The following USP9X variants were observed in gnomAD, a reference collection of about 807,000 sequenced individuals.
The protein encoded by USP9X is ubiquitin specific peptidase 9 X-linked, also known as ubiquitin carboxyl-terminal hydrolase 9X.
A neutral mutation model predicts 190.3 loss-of-function variants in USP9X; 7 were observed. The observed-to-expected ratio is 0.04, with a 90% CI of 0.02 to 0.07. The LOEUF (loss-of-function observed/expected upper bound fraction) is 0.07. Ranked by LOEUF, USP9X falls within the 10% of genes least tolerant of loss-of-function variation. The pLI is 1.00. For synonymous variants in USP9X, 645 were observed against 659.5 expected (o/e 0.98, Z 0.34); for missense variants, 1,010 against 1,916.9 (o/e 0.53, Z 8.83).
Position 41,214,655 on chromosome X carries a change from A to G in USP9X, c.5277A>G (p.Lys1759=). Residue 1759 remains lysine (K), a synonymous_variant, in exon 34 of 45, where the codon AAA becomes AAG. Transcript: ENST00000378308. The part of the protein sequence containing the change: ...NLLDSLEQYV[K]GDLLEGANAY... ...TTGATTCTTTGGAACAGTATGTCAA[A>G]GGAGATTTACTAGAAGGTGCAAATG... 8.3e-7 allele frequency: 1 copy of G among 1,202,400 alleles called. No individual in the cohort carries two copies. The highest frequency in any genetic ancestry group is 1.1e-6 in the Non-Finnish European group (1 of 892,194).
intron 39 of USP9X, 127 bp from the exon 40 acceptor site, chrX:41,224,615 G>A (rs781663908): frequency 5.4e-5 from 31 of 572,786 alleles, no homozygotes; most frequent in Non-Finnish European, 7.4e-5. Flanking sequence ...CAGCCTGGGC[G>A]ACAGAGCGAG....
chrX:41,157,392 C>T (rs760300179), intron 14 of USP9X, among the ~76,000 whole-genome samples: 10 of 110,874 alleles, frequency 9.0e-5, no homozygotes, highest in Non-Finnish European at 1.7e-4. Context: ...TAAAAATCTA[C>T]TAGTCAAGGA....
chrX:41,178,164 G>T (rs1443236017), intron 21 of USP9X, among the ~76,000 whole-genome samples: 6 of 87,139 alleles, frequency 6.9e-5, no homozygotes, highest in African/African-American at 8.9e-5. Context: ...GCAGTGGCGT[G>T]ATTTCGGCTC....
chrX:41,223,149 C>A, intron 38 of USP9X, 68 bp from the exon 39 acceptor site: 1 of 1,029,988 alleles, frequency 9.7e-7, no homozygotes, highest in East Asian at 3.1e-5. Context: ...GAAGCCCTTG[C>A]CATCTTAATT....
At chrX:41,197,286 C>G (rs772854708) in intron 28 of USP9X, 78 bp from the exon 29 acceptor site, 1 of 728,808 alleles carries the variant, frequency 1.4e-6, no homozygotes, top group African/African-American at 2.2e-5. Context: ...TCTGGCTCCT[C>G]TCTCCCTCTT....
At chrX:41,207,417 GGGTTAT>G (rs765144994) in intron 32 of USP9X, among the ~76,000 whole-genome samples, 1 of 111,151 alleles carries the variant, frequency 9.0e-6, no homozygotes, top group Non-Finnish European at 1.9e-5. Context: ...TATTTCTTCA[GGGTTAT>G]AAAATAACAA....
rs1208745994 is a variant in USP9X, at chrX:41,234,201, G to A, written c.*1677G>A. 1 of 111,369 alleles carries A rather than the reference G, an allele frequency of 9.0e-6. No individual in the cohort carries two copies. The highest frequency in any genetic ancestry group is 3.3e-5 in the African/African-American group (1 of 30,594). The allele number at this position is 111,369 out of a possible 1,213,427, so 9.2% of individuals were successfully genotyped here. The stretch of plus-strand genomic sequence containing the variant: ...TCTACTGAAGATTTTGAGAAATCAG[G>A]ATGTTGACACTGTAAAAGTTTCCTA... On this transcript the variant is annotated 3_prime_UTR_variant, in exon 45 of 45. Coordinates refer to ENST00000378308, the MANE Select transcript of USP9X (RefSeq NM_001039591.3).
At position 41,141,170 on chromosome X, in the gene USP9X, A is replaced by G; in HGVS notation, c.975A>G (p.Glu325=). ...TAGCTTCAAGGGTTCCAGGACAAGA[A>G]GAAACTGTTAAAAACTTAGAAATAT... ...KNLASRVPGQ[E]ETVKNLEIFR... is the part of the protein sequence containing the mutation. Residue 325 remains glutamate, a synonymous_variant, in exon 8 of 45, where the codon GAA becomes GAG. Transcript: ENST00000378308. The G allele has an allele frequency of 8.4e-7, 1 of 1,196,886 alleles. No individual in the cohort carries two copies. The highest frequency in any genetic ancestry group is 1.1e-6 in the Non-Finnish European group (1 of 888,543).
At chrX:41,222,632 T>A (rs1296816539) in intron 38 of USP9X, among the ~76,000 whole-genome samples, 2 of 111,406 alleles carry the variant, frequency 1.8e-5, no homozygotes, top group Non-Finnish European at 3.8e-5. Flanking sequence ...GTAGAAAGTG[T>A]TCGTCTTCTG....
chrX:41,197,331 T>TGCCC, intron 28 of USP9X, 33 bp from the exon 29 acceptor site: 7 of 486,755 alleles, frequency 1.4e-5, no homozygotes, highest in Non-Finnish European at 2.1e-5. Context: ...TTTGATTTCT[T>TGCCC]CCCCCCCCCA....
chrX:41,155,243 A>G (rs2062566541), intron 14 of USP9X, among the ~76,000 whole-genome samples: 1 of 111,879 alleles, frequency 8.9e-6, no homozygotes, highest in Admixed American at 9.5e-5. Context: ...TTTACCTCCT[A>G]TAAACATTAT....
intron 1 of USP9X, among the ~76,000 whole-genome samples, chrX:41,092,905 C>T (rs180702141): frequency 3.6e-5 from 4 of 110,519 alleles, no homozygotes; most frequent in Non-Finnish European, 7.6e-5. Flanking sequence ...GGAGGGGTCT[C>T]GCTGTCACTC....
chrX:41,187,248 T>C (rs901264024), intron 24 of USP9X, among the ~76,000 whole-genome samples: 2 of 112,635 alleles, frequency 1.8e-5, no homozygotes, highest in African/African-American at 6.5e-5. Flanking sequence ...TAACTACTGC[T>C]CTTTTTGTCC....
intron 4 of USP9X, among the ~76,000 whole-genome samples, chrX:41,132,052 A>G (rs2062323383): frequency 1.8e-5 from 2 of 111,292 alleles, no homozygotes; most frequent in Admixed American, 9.6e-5. Flanking sequence ...TACTCAGTAA[A>G]ATTTTACCTA....
chrX:41,126,297 G>A (rs2062250801), intron 2 of USP9X, among the ~76,000 whole-genome samples: 1 of 111,901 alleles, frequency 8.9e-6, no homozygotes, highest in Non-Finnish European at 1.9e-5. Context: ...CTTGGACAGA[G>A]TTAAGACCTT....
chrX:41,132,610 TTTTC>T (rs1258343532), intron 4 of USP9X, among the ~76,000 whole-genome samples: 13 of 110,914 alleles, frequency 1.2e-4, no homozygotes, highest in East Asian at 8.4e-4. Context: ...AGCTAATCTT[TTTTC>T]TTTCTTTCTT....
At chrX:41,227,712 T>G (rs1318393038) in intron 41 of USP9X, among the ~76,000 whole-genome samples, 2 of 111,014 alleles carry the variant, frequency 1.8e-5, no homozygotes, top group African/African-American at 6.6e-5. Context: ...AGAACTTTTT[T>G]TTTTTTGAGA....
At chrX:41,126,552 A>C (rs758509025) in intron 2 of USP9X, among the ~76,000 whole-genome samples, 9 of 111,775 alleles carry the variant, frequency 8.1e-5, no homozygotes, top group Non-Finnish European at 1.5e-4. Flanking sequence ...CTCTTATTTT[A>C]AGGTGTACTT....
Position 41,144,544 on chromosome X carries a change from T to C in USP9X, c.1337T>C (p.Val446Ala). The C allele has an allele frequency of 8.3e-7, 1 of 1,210,619 alleles. No individual in the cohort carries two copies. The highest frequency in any genetic ancestry group is 1.1e-6 in the Non-Finnish European group (1 of 894,735). ...AAQAGKHEAI[V>A]KNVHDLLAKL... ...TAGGCAGGGAAACATGAAGCCATTG[T>C]GAAGAATGTACATGATCTCCTGGCA... is the stretch of plus-strand genomic sequence containing the variant. Residue 446 changes from valine (V) to alanine (A), a missense_variant, in exon 11 of 45, where the codon GTG becomes GCG. This residue lies in a region of USP9X where 39 missense variants were observed against 132.4 expected (regional missense o/e 0.29). Coordinates refer to ENST00000378308, the MANE Select transcript of USP9X (RefSeq NM_001039591.3).
Sources: gnomAD v4.1 joint callset for allele counts (sites outside exome capture counted in the v4.1 genomes callset) on GRCh38, gnomAD v4.1.1 for gene constraint, gnomAD v4.1.1 regional missense constraint, MANE v1.5 for transcripts, NCBI Gene and HGNC (gene_info 2026-07-23, HGNC 2026-07-21) for gene names.